Variants in C12orf60 observed in about 807,000 individuals in gnomAD.
The protein encoded by C12orf60 is chromosome 12 open reading frame 60, also known as uncharacterized protein C12orf60.
For missense variants in C12orf60, 284 were observed against 283.2 expected (o/e 1.00, Z -0.02); for synonymous variants, 102 against 94.6 (o/e 1.08, Z -0.45).
chr12:14,820,064 G>GT (rs1592242008), intron 1 of C12orf60, among the ~76,000 whole-genome samples: 1 of 152,004 alleles, frequency 6.6e-6, no homozygotes, highest in South Asian at 2.1e-4. Flanking sequence ...GTTTATTTAA[G>GT]TTTTTTGTTT....
At chr12:14,810,068 CT>C (rs1246784145) in intron 1 of C12orf60, among the ~76,000 whole-genome samples, 5 of 152,252 alleles carry the variant, frequency 3.3e-5, no homozygotes, top group Admixed American at 2.0e-4. Context: ...ACGAGTTTGG[CT>C]AAAGAAATGT....
At chr12:14,818,134 T>C (rs1950251750) in intron 1 of C12orf60, among the ~76,000 whole-genome samples, 1 of 152,244 alleles carries the variant, frequency 6.6e-6, no homozygotes, top group Non-Finnish European at 1.5e-5. Context: ...AGATCTTCTT[T>C]TGAGAACTGT....
intron 1 of C12orf60, chr12:14,806,690 A>G (rs370155859): frequency 4.6e-5 from 72 of 1,564,212 alleles, no homozygotes; most frequent in Non-Finnish European, 6.0e-5. Flanking sequence ...TATTTCCAAT[A>G]TGATCGCTGA....
intron 1 of C12orf60, among the ~76,000 whole-genome samples, chr12:14,819,827 A>T (rs920605345): frequency 6.6e-6 from 1 of 152,060 alleles, no homozygotes; most frequent in African/African-American, 2.4e-5. Context: ...GATACACCTT[A>T]AATTGTTCTT....
chr12:14,806,805 G>A (rs778986129), intron 1 of C12orf60: 96 of 984,286 alleles, frequency 9.8e-5, no homozygotes, highest in Non-Finnish European at 8.6e-5. Context: ...GAAGCAAGAT[G>A]CTGTCTAAGG....
At chr12:14,822,506 T>C (rs1378107650) in intron 1 of C12orf60, among the ~76,000 whole-genome samples, 2 of 152,158 alleles carry the variant, frequency 1.3e-5, no homozygotes, top group Admixed American at 6.5e-5. Flanking sequence ...TTGTAATCAG[T>C]AGGAAAGATC....
chr12:14,812,243 A>G (rs892925349), intron 1 of C12orf60, among the ~76,000 whole-genome samples: 7 of 152,032 alleles, frequency 4.6e-5, no homozygotes, highest in African/African-American at 1.7e-4. Context: ...AGGAGATCGA[A>G]ACCATCCTGG....
At chr12:14,815,049 A>G (rs1214722758) in intron 1 of C12orf60, among the ~76,000 whole-genome samples, 1 of 152,250 alleles carries the variant, frequency 6.6e-6, no homozygotes, top group East Asian at 1.9e-4. Flanking sequence ...ATAGTGGCTG[A>G]TATGTGGCAA....
In C12orf60 at chr12:14,823,621, T is replaced by TA. The variant is rs1464214616; in HGVS notation, c.689dup (p.Thr231AspfsTer10). ...ATCTTAGAGATCCTCCAAAAAGCGA[T>TA]AAAGACTATGGAAATGAATATTTCT... On this transcript the variant is annotated frameshift_variant, in exon 2 of 2. Coordinates refer to ENST00000330828, the MANE Select transcript of C12orf60 (RefSeq NM_175874.4). LOFTEE classifies it low-confidence loss of function (END_TRUNC). The TA allele has an allele frequency of 6.2e-7, 1 of 1,602,942 alleles. No homozygotes were observed. Among genetic ancestry groups the TA allele is most frequent in the Non-Finnish European group, 8.5e-7 (1 of 1,176,742 alleles).
chr12:14,805,245 G>A (rs999186623), intron 1 of C12orf60: 1 of 152,218 alleles, frequency 6.6e-6, no homozygotes, highest in Non-Finnish European at 1.5e-5. Context: ...TGCAATATGT[G>A]TAGCTGTGTT....
chr12:14,806,268 G>A, intron 1 of C12orf60: 1 of 1,614,192 alleles, frequency 6.2e-7, no homozygotes, highest in South Asian at 1.1e-5. Flanking sequence ...TGTGACATTT[G>A]AGCCCACAAG....
rs545051194 is a variant in C12orf60 at position 14,823,859 on chromosome 12, G to A, written c.*186G>A. 8.7e-6 allele frequency: 4 copies of A among 459,516 alleles called. No individual in the cohort carries two copies. Among genetic ancestry groups the A allele is most frequent in the African/African-American group, 8.1e-5 (4 of 49,264 alleles). 28.5% of individuals were successfully genotyped at this position (459,516 alleles called of 1,614,324 possible). A position where few individuals can be genotyped will look rare whatever the true frequency, so the allele number is the denominator to read the frequency against. On this transcript the variant is annotated 3_prime_UTR_variant, in exon 2 of 2. Coordinates refer to ENST00000330828, the MANE Select transcript of C12orf60 (RefSeq NM_175874.4). ...AAAATAAAAAGAAATAATTAAGAAAGCCTGTTTGAAATGTCAGTCACTAAG... is the reference window on the plus strand; with the variant it reads ...AAAATAAAAAGAAATAATTAAGAAAACCTGTTTGAAATGTCAGTCACTAAG...
chr12:14,816,233 G>C (rs1950216216), intron 1 of C12orf60, among the ~76,000 whole-genome samples: 1 of 152,052 alleles, frequency 6.6e-6, no homozygotes, highest in African/African-American at 2.4e-5. Context: ...TGGGAAATGA[G>C]AGTGAAAGCA....
chr12:14,823,108 A>AT lies in C12orf60; in HGVS notation c.180dup (p.Glu61Ter), dbSNP rs1447010986. On this transcript the variant is annotated frameshift_variant, in exon 2 of 2. Coordinates refer to ENST00000330828, the MANE Select transcript of C12orf60 (RefSeq NM_175874.4). LOFTEE classifies it low-confidence loss of function (END_TRUNC). ...GTGAAAAACAATAGTTACATTAAGG[A>AT]TTTTTTTGAGCAAATGCTCAAAATT... 7 of 1,613,958 alleles carry AT rather than the reference A, an allele frequency of 4.3e-6. No homozygotes were observed. The highest frequency in any genetic ancestry group is 1.3e-5 in the African/African-American group (1 of 74,908).
intron 1 of C12orf60, among the ~76,000 whole-genome samples, chr12:14,819,807 A>G (rs1318105561): frequency 6.6e-6 from 1 of 152,092 alleles, no homozygotes; most frequent in Non-Finnish European, 1.5e-5. Flanking sequence ...AACTAACCTT[A>G]CATTTTTGGG....
chr12:14,819,286 T>A (rs1171870219), intron 1 of C12orf60, among the ~76,000 whole-genome samples: 1 of 152,148 alleles, frequency 6.6e-6, no homozygotes, highest in Non-Finnish European at 1.5e-5. Flanking sequence ...TTAAGTATTT[T>A]ATTGAGAGAG....
Position 14,805,701 on chromosome 12 carries a change from C to A in C12orf60, c.-25+1950C>A, listed in dbSNP as rs1592228002. 8 of 277,020 alleles carry A rather than the reference C, an allele frequency of 2.9e-5. No homozygotes were observed. In the East Asian group the frequency reaches 5.0e-4, roughly 17 times the overall value. 17.2% of individuals were successfully genotyped at this position (277,020 alleles called of 1,614,324 possible). ...CTGAAATTAGAAAAGAGAAAAGTAA[C>A]CCCTATACTTGCTACTCTACGATAG... On this transcript the variant is annotated intron_variant, in intron 1 of 1. Coordinates refer to ENST00000330828, the MANE Select transcript of C12orf60 (RefSeq NM_175874.4).
At chr12:14,816,285 C>T (rs1242239281) in intron 1 of C12orf60, among the ~76,000 whole-genome samples, 2 of 152,112 alleles carry the variant, frequency 1.3e-5, no homozygotes, top group East Asian at 1.9e-4. Context: ...CTCACTTGAT[C>T]GTCTTTTATT....
At chr12:14,811,997 A>T (rs767838106) in intron 1 of C12orf60, among the ~76,000 whole-genome samples, 16 of 152,232 alleles carry the variant, frequency 1.1e-4, no homozygotes, top group Non-Finnish European at 2.2e-4. Context: ...TAAATAGAGG[A>T]GGAAAAACAC....
Sources: allele counts gnomAD v4.1 joint callset (sites outside exome capture counted in the v4.1 genomes callset), GRCh38; gene constraint gnomAD v4.1.1; transcripts MANE v1.5; gene names NCBI Gene and HGNC (gene_info 2026-07-23, HGNC 2026-07-21).